The following TMEM65 variants were observed in gnomAD, a reference collection of about 807,000 sequenced individuals.
TMEM65 encodes the protein transmembrane protein 65.
Under a neutral mutation model 25.4 loss-of-function variants are expected in TMEM65, and 22 were observed. That is an observed-to-expected ratio of 0.86 (90% CI 0.62 to 1.23). The LOEUF is 1.23. Ranked by LOEUF, TMEM65 falls within the 50% of genes most tolerant of loss-of-function variation. The pLI, the probability that TMEM65 is intolerant of heterozygous loss-of-function variation, is 0.00. For synonymous variants in TMEM65, 132 were observed against 126.2 expected, an observed-to-expected ratio of 1.05 and a Z score of -0.31; for missense variants, 262 against 308.2, an observed-to-expected ratio of 0.85 and a Z score of 1.12.
intron 1 of TMEM65, among the ~76,000 whole-genome samples, chr8:124,370,814 GA>G (rs1299608152): frequency 6.6e-6 from 1 of 152,176 alleles, no homozygotes; most frequent in Admixed American, 6.5e-5. Context: ...CTACACTTTG[GA>G]ATCTATGAGA....
rs758462825 is a variant in TMEM65 at position 124,371,963 on chromosome 8, C to T, written c.195G>A (p.Ala65=). 6.7e-7 allele frequency: 1 copy of T among 1,502,666 alleles called. No homozygotes were observed. The highest frequency in any genetic ancestry group is 2.9e-5 in the East Asian group (1 of 34,530). 93.1% of individuals were successfully genotyped at this position (1,502,666 alleles called of 1,614,324 possible). A position where few individuals can be genotyped will look rare whatever the true frequency, so the allele number is the denominator to read the frequency against. The change falls in exon 1 of 7, where the codon GCG becomes GCA. Residue 65 remains alanine (A), a synonymous_variant. Coordinates refer to ENST00000297632, the MANE Select transcript of TMEM65 (RefSeq NM_194291.3). ...GTHPKKEPME[A]LNTAQGARDF... ...CGCGCGCGCCCTGCGCCGTGTTCAG[C>T]GCCTCCATGGGCTCCTTCTTGGGGT... is the stretch of plus-strand genomic sequence containing the variant.
At chr8:124,353,622 T>C (rs1258953115) in intron 1 of TMEM65, among the ~76,000 whole-genome samples, 1 of 152,122 alleles carries the variant, frequency 6.6e-6, no homozygotes. Flanking sequence ...CTTGTATAAA[T>C]GGCTGATTCT....
chr8:124,337,278 A>C (rs762186781), intron 1 of TMEM65, among the ~76,000 whole-genome samples: 14 of 152,046 alleles, frequency 9.2e-5, no homozygotes, highest in Non-Finnish European at 1.9e-4. Flanking sequence ...TTTTCAACTC[A>C]TTTAATGAGG....
At chr8:124,324,318 T>C (rs773732432) in intron 3 of TMEM65, among the ~76,000 whole-genome samples, 10 of 152,136 alleles carry the variant, frequency 6.6e-5, no homozygotes, top group African/African-American at 9.6e-5. Flanking sequence ...CAAGTTTCTT[T>C]CCCCTAGAGC....
Position 124,371,869 on chromosome 8 carries a change from T to C in TMEM65, c.289A>G (p.Ile97Val), listed in dbSNP as rs17854113. The C allele has an allele frequency of 1.0e-5, 16 of 1,539,342 alleles. No individual in the cohort carries two copies. The highest frequency in any genetic ancestry group is 7.5e-5 in the Admixed American group (4 of 53,294). Residue 97 changes from isoleucine to valine, a missense_variant, in exon 1 of 7, where the codon ATT becomes GTT. Transcript: ENST00000297632. ...LLKELHRFESIAIAQEKLEAP... is the reference protein window; with the variant it reads ...LLKELHRFESVAIAQEKLEAP... ...CCCCCCTTACCTTGGGCAATGGCAA[T>C]AGACTCGAAGCGGTGCAGCTCTTTG...
At chr8:124,341,997 T>C (rs1299292186) in intron 1 of TMEM65, among the ~76,000 whole-genome samples, 1 of 152,084 alleles carries the variant, frequency 6.6e-6, no homozygotes, top group African/African-American at 2.4e-5. Context: ...ATGCTAAACT[T>C]TGAGTTTCAT....
chr8:124,367,125 T>G (rs930242492), intron 1 of TMEM65, among the ~76,000 whole-genome samples: 1 of 152,232 alleles, frequency 6.6e-6, no homozygotes, highest in Non-Finnish European at 1.5e-5. Context: ...GCCCTTTTTC[T>G]TATTGGACAA....
Position 124,320,098 on chromosome 8 carries a change from A to G in TMEM65, c.609T>C (p.Leu203=). 1 of 1,612,626 alleles carries G rather than the reference A, an allele frequency of 6.2e-7. No homozygotes were observed. The change falls in exon 6 of 7, where the codon CTT becomes CTC. Residue 203 remains leucine, a synonymous_variant. Transcript: ENST00000297632. ...GTAAATTACTTACCAAATGTGTACT[A>G]AGACGTGTTTGCCACATGTCAACTT... is the stretch of plus-strand genomic sequence containing the variant. The part of the protein sequence containing the change: ...PKQVDMWQTR[L]STHLGKAVGV...
intron 6 of TMEM65, among the ~76,000 whole-genome samples, chr8:124,317,194 T>G (rs1415279890): frequency 6.6e-6 from 1 of 152,182 alleles, no homozygotes; most frequent in African/African-American, 2.4e-5. Flanking sequence ...ATATCTTCAT[T>G]AAAATAAATT....
intron 1 of TMEM65, among the ~76,000 whole-genome samples, chr8:124,345,894 C>T (rs1302994286): frequency 6.6e-6 from 1 of 152,134 alleles, no homozygotes; most frequent in Non-Finnish European, 1.5e-5. Context: ...CAGGCACATG[C>T]CACCATGCCT....
At chr8:124,319,457 C>T (rs1586456040) in intron 6 of TMEM65, among the ~76,000 whole-genome samples, 2 of 152,268 alleles carry the variant, frequency 1.3e-5, no homozygotes, top group South Asian at 4.1e-4. Flanking sequence ...TTGTCTCCTG[C>T]TGCTGCTTAT....
At chr8:124,341,082 A>T (rs550773470) in intron 1 of TMEM65, among the ~76,000 whole-genome samples, 1 of 152,154 alleles carries the variant, frequency 6.6e-6, no homozygotes, top group East Asian at 1.9e-4. Flanking sequence ...AATTCTAATT[A>T]ATATATATAC....
At position 124,372,022 on chromosome 8, in the gene TMEM65, C is replaced by T. The variant is rs1252342859; in HGVS notation, c.136G>A (p.Gly46Ser). The change falls in exon 1 of 7, where the codon GGC becomes AGC. Residue 46 changes from glycine to serine, a missense_variant. By Grantham distance (56) the Gly-to-Ser change is moderately conservative. Coordinates refer to ENST00000297632, the MANE Select transcript of TMEM65 (RefSeq NM_194291.3). ...RGLLALAPPGGLPGGPRRLGT... is the reference protein window; with the variant it reads ...RGLLALAPPGSLPGGPRRLGT... ...AGCCGCCTGGGGCCGCCCGGCAAGC[C>T]GCCGGGGGGCGCGAGCGCCAGCAGC... 2 of 1,270,866 alleles carry T rather than the reference C, an allele frequency of 1.6e-6. No homozygotes were observed. Among genetic ancestry groups the T allele is most frequent in the East Asian group, 3.2e-5 (1 of 31,152 alleles). 78.7% of individuals were successfully genotyped at this position (1,270,866 alleles called of 1,614,324 possible).
At position 124,372,214 on chromosome 8, in the gene TMEM65, G is replaced by A. The variant is rs536000949; in HGVS notation, c.-57C>T. 4.0e-6 allele frequency: 5 copies of A among 1,241,198 alleles called. No individual in the cohort carries two copies. The East Asian group carries it at 1.5e-4, about 38-fold the overall frequency. 76.9% of individuals were successfully genotyped at this position (1,241,198 alleles called of 1,614,324 possible). On this transcript the variant is annotated 5_prime_UTR_variant, in exon 1 of 7. Transcript: ENST00000297632. ...GTCCGGCAAGGCGGTTTCTGGCGCGGCTGAGGCGAGAAGGAGCTGGGCTCA... is the reference window on the plus strand; with the variant it reads ...GTCCGGCAAGGCGGTTTCTGGCGCGACTGAGGCGAGAAGGAGCTGGGCTCA...
chr8:124,356,497 T>A (rs538509217), intron 1 of TMEM65, among the ~76,000 whole-genome samples: 3 of 152,144 alleles, frequency 2.0e-5, no homozygotes, highest in Admixed American at 6.5e-5. Flanking sequence ...CCCTTCCACA[T>A]CCAAAGTTTC....
intron 1 of TMEM65, among the ~76,000 whole-genome samples, chr8:124,361,318 C>A (rs188903383): frequency 6.6e-6 from 1 of 151,740 alleles, no homozygotes; most frequent in African/African-American, 2.4e-5. Context: ...GCCTGTAATC[C>A]CAGCTACTCC....
intron 1 of TMEM65, 41 bp downstream of exon 1, chr8:124,371,813 C>A (rs2131236874): frequency 3.4e-6 from 5 of 1,483,166 alleles, no homozygotes; most frequent in Non-Finnish European, 4.5e-6. Flanking sequence ...AAGAGGAGGG[C>A]GTCGGGGCCC....
At position 124,317,672 on chromosome 8, in the gene TMEM65, C is replaced by T. The variant is rs141988403; in HGVS notation, c.621+2414G>A. On this transcript the variant is annotated intron_variant, in intron 6 of 6. Transcript: ENST00000297632. The stretch of plus-strand genomic sequence containing the variant: ...GGTATTTAAGTCTTTGCATAATCTC[C>T]TCCCCTTGAGCATAGGTAGGATGCT... 2.5e-3 allele frequency among the ~76,000 whole-genome samples: 385 copies of T among 152,330 alleles called. 1 individual carries two copies. The highest frequency in any genetic ancestry group is 7.9e-3 in the African/African-American group (330 of 41,578).
chr8:124,332,253 G>A (rs1814441700), intron 1 of TMEM65, among the ~76,000 whole-genome samples: 1 of 152,082 alleles, frequency 6.6e-6, no homozygotes, highest in Non-Finnish European at 1.5e-5. Flanking sequence ...ATGCAAAAGT[G>A]GTTATTTACA....
Sources: allele counts gnomAD v4.1 joint callset (sites outside exome capture counted in the v4.1 genomes callset), GRCh38; gene constraint gnomAD v4.1.1; transcripts MANE v1.5; gene names NCBI Gene and HGNC (gene_info 2026-07-23, HGNC 2026-07-21).